The following PCYT1A variants were observed in gnomAD, a reference collection of about 807,000 sequenced individuals.
PCYT1A encodes the protein choline-phosphate cytidylyltransferase A.
In PCYT1A, 25 loss-of-function variants were observed where a neutral mutation model predicts 43.7. The ratio of observed to expected loss-of-function variants is 0.57; its 90% CI spans 0.42 to 0.80. PCYT1A has a LOEUF of 0.80. Among genes scored for constraint, PCYT1A ranks in the 30% least tolerant of loss-of-function variants. The pLI is 0.00. For missense variants in PCYT1A, 421 were observed against 474.2 expected (o/e 0.89, Z 1.04); for synonymous variants, 172 against 170.7 (o/e 1.01, Z -0.06).
chr3:196,239,217 T>C (rs1379753504), intron 8 of PCYT1A, among the ~76,000 whole-genome samples: 1 of 152,232 alleles, frequency 6.6e-6, no homozygotes, highest in Non-Finnish European at 1.5e-5. Flanking sequence ...CTACTTGTAG[T>C]GGAGGCTGCT....
At chr3:196,278,570 C>T (rs1028620782) in intron 1 of PCYT1A, among the ~76,000 whole-genome samples, 4 of 152,082 alleles carry the variant, frequency 2.6e-5, no homozygotes, top group Admixed American at 6.6e-5. Flanking sequence ...AGGAATGAGA[C>T]AGGAAGAAAA....
Position 196,252,246 on chromosome 3 carries a change from TTTTA to T in PCYT1A, c.218-3927_218-3924del, listed in dbSNP as rs913608756. 1.4e-4 allele frequency among the ~76,000 whole-genome samples: 22 copies of T among 152,074 alleles called. No homozygotes were observed. Among genetic ancestry groups the T allele is most frequent in the Non-Finnish European group, 7.4e-5 (5 of 67,996 alleles). On this transcript the variant is annotated intron_variant, in intron 3 of 8. Transcript: ENST00000431016. This position sits in a 1 kb window ranked among gnomAD's most constrained non-coding sequence, Gnocchi z 4.0. ...CACATGTTGCCCAAGCTAGTTGTAT[TTTTA>T]TTTATTTATTTATTTGAGATGGAGT...
chr3:196,275,531 G>A (rs1419143124), intron 1 of PCYT1A, among the ~76,000 whole-genome samples: 1 of 151,934 alleles, frequency 6.6e-6, no homozygotes, highest in African/African-American at 2.4e-5. Context: ...TCAAGAGATC[G>A]AGACCATCCT....
intron 1 of PCYT1A, among the ~76,000 whole-genome samples, chr3:196,285,391 G>A (rs1037309514): frequency 6.6e-6 from 1 of 152,080 alleles, no homozygotes; most frequent in Admixed American, 6.5e-5. Flanking sequence ...ACCAGGAGGC[G>A]GAGGTTGCAG....
At chr3:196,270,664 C>T in intron 1 of PCYT1A, 123 bp from the exon 2 acceptor site, 1 of 747,096 alleles carries the variant, frequency 1.3e-6, no homozygotes, top group Non-Finnish European at 2.4e-6. Flanking sequence ...CTGCACTTCA[C>T]CAAGATGAGC....
At position 196,242,533 on chromosome 3, in the gene PCYT1A, C is replaced by G. The variant is rs1724391393; in HGVS notation, c.565+29G>C. The G allele has an allele frequency of 6.9e-7, 1 of 1,453,290 alleles. No homozygotes were observed. Among genetic ancestry groups the G allele is most frequent in the Non-Finnish European group, 9.7e-7 (1 of 1,033,470 alleles). 90.0% of individuals were successfully genotyped at this position (1,453,290 alleles called of 1,614,324 possible). ...AACATCTGCAGCTGCCCTGAGATCC[C>G]CTACAGTGAGGAAGCACAGCTCACT... is the stretch of plus-strand genomic sequence containing the variant. On this transcript the variant is annotated intron_variant, in intron 6 of 8. Coordinates refer to ENST00000431016, the MANE Select transcript of PCYT1A (RefSeq NM_001312673.2). The surrounding 1 kb of genome is among the most constrained non-coding windows in gnomAD (Gnocchi z 4.2).
In PCYT1A at chr3:196,273,284, TTCTC is replaced by T. The variant is rs1484336902; in HGVS notation, c.-10-2747_-10-2744del. ...TCCCAAAGGGCTACAGCTCTTCTCT[TTCTC>T]TCTCCTCTCTTCTCTCTTTCTGTTG... On this transcript the variant is annotated intron_variant, in intron 1 of 8. Coordinates refer to ENST00000431016, the MANE Select transcript of PCYT1A (RefSeq NM_001312673.2). The surrounding 1 kb of genome is among the most constrained non-coding windows in gnomAD (Gnocchi z 4.1). Among the ~76,000 whole-genome samples, 4 of 152,196 alleles carry T rather than the reference TTCTC, an allele frequency of 2.6e-5. No homozygotes were observed. Among genetic ancestry groups the T allele is most frequent in the African/African-American group, 4.8e-5 (2 of 41,450 alleles).
intron 1 of PCYT1A, among the ~76,000 whole-genome samples, chr3:196,279,719 G>A (rs1725697878): frequency 6.6e-6 from 1 of 151,714 alleles, no homozygotes; most frequent in Non-Finnish European, 1.5e-5. Context: ...TTTTTCCAAT[G>A]TGAATGTCCT....
At chr3:196,253,993 T>C (rs1210773489) in intron 3 of PCYT1A, among the ~76,000 whole-genome samples, 1 of 149,634 alleles carries the variant, frequency 6.7e-6, no homozygotes, top group Non-Finnish European at 1.5e-5. Flanking sequence ...ATTATGCATA[T>C]ATTACATATG....
chr3:196,278,104 A>G (rs765450534), intron 1 of PCYT1A, among the ~76,000 whole-genome samples: 10 of 152,192 alleles, frequency 6.6e-5, no homozygotes, highest in Admixed American at 1.3e-4. Flanking sequence ...TGCTACTGAG[A>G]AAGTGTAGAG....
Position 196,268,213 on chromosome 3 carries a change from CTT to C in PCYT1A, c.117+2200_117+2201del, listed in dbSNP as rs1161609945. On this transcript the variant is annotated intron_variant, in intron 2 of 8. Coordinates refer to ENST00000431016, the MANE Select transcript of PCYT1A (RefSeq NM_001312673.2). The surrounding 1 kb of genome is among the most constrained non-coding windows in gnomAD (Gnocchi z 4.4). ...CCACTGAAAAGACTGGCTTCCTTTGCTTTATTCCTAGCTACAGTGATTGGCTG... is the reference window on the plus strand; with the variant it reads ...CCACTGAAAAGACTGGCTTCCTTTGCTATTCCTAGCTACAGTGATTGGCTG... Among the ~76,000 whole-genome samples, 3 of 152,018 alleles carry C rather than the reference CTT, an allele frequency of 2.0e-5. No homozygotes were observed. The highest frequency in any genetic ancestry group is 7.2e-5 in the African/African-American group (3 of 41,402).
rs754609124 is a variant in PCYT1A, at chr3:196,247,538, ATTGTGTGTTGG to A, written c.335-31_335-21del. The A allele has an allele frequency of 1.2e-6, 2 of 1,613,508 alleles. No homozygotes were observed. The highest frequency in any genetic ancestry group is 1.6e-4 in the Middle Eastern group (1 of 6,062). On this transcript the variant is annotated intron_variant, in intron 4 of 8. Transcript: ENST00000431016. This position sits in a 1 kb window ranked among gnomAD's most constrained non-coding sequence, Gnocchi z 4.8. ...TGCAAACTGGTTCACCACATCATAA[ATTGTGTGTTGG>A]AGTCCTCTTTGCTTAGCACCTCCTC...
intron 1 of PCYT1A, among the ~76,000 whole-genome samples, chr3:196,285,652 A>G (rs1725889104): frequency 6.6e-6 from 1 of 152,188 alleles, no homozygotes; most frequent in African/African-American, 2.4e-5. Context: ...GCTTGGCCTC[A>G]GTGTACAAAT....
intron 2 of PCYT1A, among the ~76,000 whole-genome samples, chr3:196,261,390 G>C (rs1475315216): frequency 6.6e-6 from 1 of 152,110 alleles, no homozygotes; most frequent in Non-Finnish European, 1.5e-5. Flanking sequence ...CAGGTGTGGT[G>C]GCTCACACCT....
At chr3:196,258,290 A>G (rs1725006978) in intron 2 of PCYT1A, among the ~76,000 whole-genome samples, 1 of 151,810 alleles carries the variant, frequency 6.6e-6, no homozygotes, top group Admixed American at 6.6e-5. Flanking sequence ...CACCTCAAAA[A>G]AAAAAAAAAA....
intron 3 of PCYT1A, among the ~76,000 whole-genome samples, chr3:196,257,049 A>T (rs988375035): frequency 6.6e-6 from 1 of 152,214 alleles, no homozygotes; most frequent in Admixed American, 6.5e-5. Flanking sequence ...AGAAGAAGTG[A>T]AAAAGGATTG....
intron 5 of PCYT1A, among the ~76,000 whole-genome samples, chr3:196,246,367 T>A (rs1369773171): frequency 2.0e-5 from 3 of 151,778 alleles, no homozygotes; most frequent in Non-Finnish European, 2.9e-5. Flanking sequence ...ATCCTTCTCA[T>A]CTTTTGTACC....
chr3:196,272,271 G>A (rs1725450184), intron 1 of PCYT1A, among the ~76,000 whole-genome samples: 1 of 150,104 alleles, frequency 6.7e-6, no homozygotes, highest in African/African-American at 2.5e-5. Flanking sequence ...TACAACCTCC[G>A]CCTCCCAGGT....
At chr3:196,244,900 G>C (rs1392242780) in intron 5 of PCYT1A, among the ~76,000 whole-genome samples, 22 of 151,956 alleles carry the variant, frequency 1.4e-4, no homozygotes, top group Middle Eastern at 3.4e-3. Context: ...CAGCATGCTC[G>C]TTAAGAGTCA....
Sources: gnomAD v4.1 joint callset for allele counts (sites outside exome capture counted in the v4.1 genomes callset) on GRCh38, gnomAD v4.1.1 for gene constraint, Gnocchi (gnomAD v3.1) non-coding constraint, MANE v1.5 for transcripts, NCBI Gene and HGNC (gene_info 2026-07-23, HGNC 2026-07-21) for gene names.